Variants in WBP2 observed in about 807,000 individuals in gnomAD.
The protein encoded by WBP2 is WW domain-binding protein 2.
WBP2 carries 23 observed loss-of-function variants against 33.0 expected under a neutral mutation model. The ratio of observed to expected loss-of-function variants is 0.70; its 90% CI spans 0.50 to 0.99. WBP2 has a LOEUF of 0.99. Ranked by LOEUF, WBP2 falls within the 50% of genes least tolerant of loss-of-function variation. The pLI, the probability that WBP2 is intolerant of heterozygous loss-of-function variation, is 0.00. For synonymous variants in WBP2, 153 were observed against 133.5 expected (o/e 1.15, Z -1.01); for missense variants, 353 against 358.0 (o/e 0.99, Z 0.11).
At chr17:75,856,023 C>A (rs2065056832), upstream of WBP2, among the ~76,000 whole-genome samples, 2 of 152,196 alleles carry the variant, frequency 1.3e-5, no homozygotes, top group Non-Finnish European at 2.9e-5. Flanking sequence ...GCAGGCCGGC[C>A]GGGCGCCCCT....
At chr17:75,855,114 C>T (rs910381564) in intron 1 of WBP2, 125 bp downstream of exon 1, 9 of 355,124 alleles carry the variant, frequency 2.5e-5, no homozygotes, top group Admixed American at 1.7e-4. Context: ...CCCAGCCGTT[C>T]CCCACCAACC....
At position 75,846,027 on chromosome 17, in the gene WBP2, A is replaced by C. The variant is rs2064987829; in HGVS notation, c.*707T>G. 6.6e-6 allele frequency: 1 copy of C among 152,518 alleles called. No homozygotes were observed. Among genetic ancestry groups the C allele is most frequent in the African/African-American group, 2.4e-5 (1 of 41,448 alleles). The allele number at this position is 152,518 out of a possible 1,614,324, so 9.4% of individuals were successfully genotyped here. A position where few individuals can be genotyped will look rare whatever the true frequency, so the allele number is the denominator to read the frequency against. On this transcript the variant is annotated 3_prime_UTR_variant, in exon 8 of 8. Transcript: ENST00000254806. The surrounding 1 kb of genome is among the most constrained non-coding windows in gnomAD (Gnocchi z 4.8). Reference sequence around the variant, plus strand: ...ATGCATTCTCTGGTTCCAGTCAGGAAGCTCCTTCTAGAAGGAAGTGAGAGG... The same window carrying C: ...ATGCATTCTCTGGTTCCAGTCAGGACGCTCCTTCTAGAAGGAAGTGAGAGG...
intron 5 of WBP2, 84 bp from the exon 6 acceptor site, chr17:75,847,693 C>G (rs891846700): frequency 1.3e-6 from 2 of 1,591,080 alleles, no homozygotes; most frequent in Admixed American, 3.5e-5. Context: ...CCAGCTCCTT[C>G]GTTGGTCCTG....
intron 3 of WBP2, 146 bp from the exon 4 acceptor site, chr17:75,848,808 C>T (rs1397493441): frequency 1.1e-4 from 74 of 696,152 alleles, no homozygotes; most frequent in Non-Finnish European, 1.2e-5. Context: ...CTTCCTGGTG[C>T]CATGGTTTCC....
chr17:75,846,340 C>T lies in WBP2; in HGVS notation c.*394G>A, dbSNP rs891302540. Reference sequence around the variant, plus strand: ...TGGCAGGGCCCGGGAAGACACCTGGCTGGTCTGAAGTGGCTCATGAGGCTG... The same window carrying T: ...TGGCAGGGCCCGGGAAGACACCTGGTTGGTCTGAAGTGGCTCATGAGGCTG... On this transcript the variant is annotated 3_prime_UTR_variant, in exon 8 of 8. Transcript: ENST00000254806. This position sits in a 1 kb window ranked among gnomAD's most constrained non-coding sequence, Gnocchi z 4.8. 3 of 268,970 alleles carry T rather than the reference C, an allele frequency of 1.1e-5. No homozygotes were observed. The highest frequency in any genetic ancestry group is 2.2e-5 in the Non-Finnish European group (3 of 135,944). The allele number at this position is 268,970 out of a possible 1,614,324, so 16.7% of individuals were successfully genotyped here.
chr17:75,853,141 C>A (rs367974769), intron 1 of WBP2, among the ~76,000 whole-genome samples: 4 of 152,074 alleles, frequency 2.6e-5, no homozygotes, highest in Non-Finnish European at 4.4e-5. Flanking sequence ...CCACCTCCTG[C>A]GTTCAAGCGA....
chr17:75,847,903 G>A lies in WBP2; in HGVS notation c.425C>T (p.Ala142Val). 1 of 1,562,130 alleles carries A rather than the reference G, an allele frequency of 6.4e-7. No individual in the cohort carries two copies. The highest frequency in any genetic ancestry group is 8.7e-7 in the Non-Finnish European group (1 of 1,153,136). Residue 142 changes from alanine (A) to valine (V), a missense_variant, in exon 5 of 8, where the codon GCC becomes GTC. Coordinates refer to ENST00000254806, the MANE Select transcript of WBP2 (RefSeq NM_012478.4). ...QASRGEVPSGAYGYSYMPSGA... is the reference protein window; with the variant it reads ...QASRGEVPSGVYGYSYMPSGA... ...GCTGGGCATGTAAGAGTAGCCATAG[G>A]CTCCACTGGGGACTTCACCTCTGGA... is the stretch of plus-strand genomic sequence containing the variant.
At position 75,849,857 on chromosome 17, in the gene WBP2, T is replaced by C. The variant is rs1599422860; in HGVS notation, c.169-118A>G. 3 of 1,375,408 alleles carry C rather than the reference T, an allele frequency of 2.2e-6. No individual in the cohort carries two copies. In the South Asian group the frequency reaches 4.1e-5, roughly 19 times the overall value. 85.2% of individuals were successfully genotyped at this position (1,375,408 alleles called of 1,614,324 possible). A position where few individuals can be genotyped will look rare whatever the true frequency, so the allele number is the denominator to read the frequency against. ...CCAGTGCCAGGGTCCAGCAGCCCCA[T>C]GGCTCTCTCTGTGCCAGACACTCCT... On this transcript the variant is annotated intron_variant, in intron 2 of 7. Transcript: ENST00000254806.
In WBP2 at chr17:75,848,027, G is replaced by C. The variant is rs961025132; in HGVS notation, c.398-97C>G. 14 of 1,468,252 alleles carry C rather than the reference G, an allele frequency of 9.5e-6. No homozygotes were observed. In the South Asian group the frequency reaches 1.3e-4, roughly 14 times the overall value. The allele number at this position is 1,468,252 out of a possible 1,614,324, so 91.0% of individuals were successfully genotyped here. A position where few individuals can be genotyped will look rare whatever the true frequency, so the allele number is the denominator to read the frequency against. ...GCAGATGGGAGCTACTGGGTCTCAGGAATGTGCCCCGCAGACATCCTCTGT... is the reference window on the plus strand; with the variant it reads ...GCAGATGGGAGCTACTGGGTCTCAGCAATGTGCCCCGCAGACATCCTCTGT... On this transcript the variant is annotated intron_variant, in intron 4 of 7. Coordinates refer to ENST00000254806, the MANE Select transcript of WBP2 (RefSeq NM_012478.4).
At position 75,855,294 on chromosome 17, in the gene WBP2, C is replaced by T. The variant is rs774001838; in HGVS notation, c.4G>A (p.Ala2Thr). 6.2e-7 allele frequency: 1 copy of T among 1,612,658 alleles called. No individual in the cohort carries two copies. The highest frequency in any genetic ancestry group is 1.1e-5 in the South Asian group (1 of 91,048). Residue 2 changes from alanine to threonine, a missense_variant, in exon 1 of 8, where the codon GCG becomes ACG. Transcript: ENST00000254806. ...CCCTCCGAGTGATTCTTGTTGAGCGCCATAGTCTCTCCAACAGGGGTCCCG... is the reference window on the plus strand; with the variant it reads ...CCCTCCGAGTGATTCTTGTTGAGCGTCATAGTCTCTCCAACAGGGGTCCCG... M[A>T]LNKNHSEGGG...
In WBP2 at chr17:75,847,855, G is replaced by T; in HGVS notation, c.473C>A (p.Pro158Gln). Residue 158 changes from proline to glutamine, a missense_variant, in exon 5 of 8, where the codon CCA becomes CAA. Coordinates refer to ENST00000254806, the MANE Select transcript of WBP2 (RefSeq NM_012478.4). ...GCAGGGGTACATTCCATTGGCGACTGGCGGGGGATAGACATAGGCCCCGCT... is the reference window on the plus strand; with the variant it reads ...GCAGGGGTACATTCCATTGGCGACTTGCGGGGGATAGACATAGGCCCCGCT... ...MPSGAYVYPP[P>Q]VANGMYPCPP... The T allele has an allele frequency of 6.4e-7, 1 of 1,556,260 alleles. No individual in the cohort carries two copies. The highest frequency in any genetic ancestry group is 8.7e-7 in the Non-Finnish European group (1 of 1,149,466).
Position 75,848,641 on chromosome 17 carries a change from G to C in WBP2, c.326C>G (p.Ser109Cys). Residue 109 changes from serine (S) to cysteine (C), a missense_variant, in exon 4 of 8, where the codon TCC becomes TGC. Transcript: ENST00000254806. ...CCCTGCCGTGAAAGTCAACTTGTAG[G>C]AAGCAGAGCCTTCCCAGCCACCTGA... ...EAGGGWEGSA[S>C]YKLTFTAGGA... The C allele has an allele frequency of 6.2e-7, 1 of 1,613,952 alleles. No homozygotes were observed. Among genetic ancestry groups the C allele is most frequent in the South Asian group, 1.1e-5 (1 of 91,030 alleles).
At chr17:75,856,027 C>T (rs1414804692), upstream of WBP2, among the ~76,000 whole-genome samples, 1 of 152,216 alleles carries the variant, frequency 6.6e-6, no homozygotes, top group African/African-American at 2.4e-5. Flanking sequence ...GCCGGCCGGG[C>T]GCCCCTCGCA....
chr17:75,850,473 C>A (rs544535168), intron 2 of WBP2, among the ~76,000 whole-genome samples: 2 of 152,232 alleles, frequency 1.3e-5, no homozygotes, highest in East Asian at 3.9e-4. Flanking sequence ...TCTCGATCTC[C>A]TGACCTCATG....
At chr17:75,848,533 G>A (rs1217263329) in intron 4 of WBP2, 37 bp downstream of exon 4, 3 of 1,583,686 alleles carry the variant, frequency 1.9e-6, no homozygotes, top group Non-Finnish European at 1.7e-6. Context: ...TACATGTTTA[G>A]TGTGTCTTTA....
At chr17:75,847,151 T>A in intron 6 of WBP2, 167 bp from the exon 7 acceptor site, 1 of 749,054 alleles carries the variant, frequency 1.3e-6, no homozygotes, top group Non-Finnish European at 2.2e-6. Flanking sequence ...GCTGGCACGG[T>A]CCTTTCCAGG....
At chr17:75,852,764 A>G in intron 1 of WBP2, 1 of 984,762 alleles carries the variant, frequency 1.0e-6, no homozygotes, top group Non-Finnish European at 1.2e-6. Context: ...CAACTCTTCT[A>G]TTTTCTTTTA....
chr17:75,848,873 T>G, intron 3 of WBP2: 3 of 592,884 alleles, frequency 5.1e-6, no homozygotes, highest in Admixed American at 2.9e-5. Context: ...CCTGCTGTAC[T>G]CGCTTCCCCC....
intron 1 of WBP2, chr17:75,852,033 G>C (rs1455935959): frequency 4.9e-6 from 1 of 203,572 alleles, no homozygotes; most frequent in East Asian, 1.1e-4. Context: ...GAACCCAGGA[G>C]GCAGAGGTTG....
Sources: gnomAD v4.1 joint callset for allele counts (sites outside exome capture counted in the v4.1 genomes callset) on GRCh38, gnomAD v4.1.1 for gene constraint, Gnocchi (gnomAD v3.1) non-coding constraint, MANE v1.5 for transcripts, NCBI Gene and HGNC (gene_info 2026-07-23, HGNC 2026-07-21) for gene names.